Variants in RPS6KC1 observed in about 807,000 individuals in gnomAD.
RPS6KC1 encodes the protein ribosomal protein S6 kinase C1.
In RPS6KC1, 54 loss-of-function variants were observed where a neutral mutation model predicts 103.8. The observed-to-expected ratio is 0.52, with a 90% CI of 0.42 to 0.65. The LOEUF (loss-of-function observed/expected upper bound fraction) is 0.65, where lower values mean the gene tolerates loss of function less well. Ranked by LOEUF, RPS6KC1 falls within the 30% of genes least tolerant of loss-of-function variation. RPS6KC1 has a pLI of 0.00. For missense variants in RPS6KC1, 1,151 were observed against 1,253.8 expected (o/e 0.92, Z 1.24); for synonymous variants, 439 against 438.7 (o/e 1.00, Z -0.01).
intron 6 of RPS6KC1, among the ~76,000 whole-genome samples, chr1:213,151,238 CCCGGACGGGGCGG>C: frequency 1.5e-5 from 2 of 129,916 alleles, no homozygotes; most frequent in African/African-American, 2.9e-5. Context: ...CCACCTCCCT[CCCGGACGGGGCGG>C]CTGGCCGGGC....
At chr1:213,458,725 A>G in the RPS6KC1 span, among the ~76,000 whole-genome samples, 1 of 152,118 alleles carries the variant, frequency 6.6e-6, no homozygotes, top group Non-Finnish European at 1.5e-5. Context: ...TTGCCCATTC[A>G]GTATGATATT....
the RPS6KC1 span, among the ~76,000 whole-genome samples, chr1:213,453,630 A>G: frequency 7.9e-5 from 12 of 152,182 alleles, no homozygotes; most frequent in Non-Finnish European, 1.3e-4. Flanking sequence ...CAGAGGCCGG[A>G]GGTTCAGGAG....
chr1:213,626,401 C>A, the RPS6KC1 span, among the ~76,000 whole-genome samples: 2 of 152,134 alleles, frequency 1.3e-5, no homozygotes, highest in Non-Finnish European at 2.9e-5. Flanking sequence ...ATGGTAGTTT[C>A]TTTTGCTGTG....
the RPS6KC1 span, among the ~76,000 whole-genome samples, chr1:213,297,047 C>G: frequency 6.6e-6 from 1 of 152,180 alleles, no homozygotes; most frequent in Non-Finnish European, 1.5e-5. Context: ...CCCTGCTTGT[C>G]TCACAAACCA....
At chr1:213,707,381 C>T in the RPS6KC1 span, among the ~76,000 whole-genome samples, 1 of 152,046 alleles carries the variant, frequency 6.6e-6, no homozygotes, top group Non-Finnish European at 1.5e-5. Flanking sequence ...CCTTCACCCA[C>T]TTTTTGATGG....
chr1:213,191,685 A>G (rs1347509565), intron 8 of RPS6KC1, among the ~76,000 whole-genome samples: 1 of 152,100 alleles, frequency 6.6e-6, no homozygotes, highest in Non-Finnish European at 1.5e-5. Context: ...ATTGAATAAC[A>G]GTGGTGAAAA....
At chr1:213,238,771 C>G (rs761268775) in intron 10 of RPS6KC1, among the ~76,000 whole-genome samples, 4 of 152,166 alleles carry the variant, frequency 2.6e-5, no homozygotes, top group African/African-American at 4.8e-5. Flanking sequence ...ATCTCATCAT[C>G]TGATTTAACA....
chr1:213,151,213 G>T (rs1191866717), intron 6 of RPS6KC1, among the ~76,000 whole-genome samples: 1 of 123,334 alleles, frequency 8.1e-6, no homozygotes, highest in African/African-American at 3.1e-5. Context: ...CTGGCCAGGC[G>T]GGGGGCTGAC....
the RPS6KC1 span, among the ~76,000 whole-genome samples, chr1:213,592,191 G>A: frequency 6.6e-6 from 1 of 152,108 alleles, no homozygotes; most frequent in Non-Finnish European, 1.5e-5. Context: ...TTGAGTTACT[G>A]GGTGGAAGGA....
chr1:213,152,794 G>T (rs2089356015), intron 6 of RPS6KC1, among the ~76,000 whole-genome samples: 1 of 151,574 alleles, frequency 6.6e-6, no homozygotes, highest in South Asian at 2.1e-4. Context: ...CATCCCAGAT[G>T]ATGGGCCGCC....
In RPS6KC1 at chr1:213,248,820, G is replaced by C. The variant is rs151092373; in HGVS notation, c.2911+6162G>C. On this transcript the variant is annotated intron_variant, in intron 12 of 14. Coordinates refer to ENST00000366960, the MANE Select transcript of RPS6KC1 (RefSeq NM_012424.6). The stretch of plus-strand genomic sequence containing the variant: ...GTGGTGAGAATGAGACAAAGTAAGA[G>C]CAAAGAATTCAGTCCCAGTTATTTG... Among the ~76,000 whole-genome samples, 591 of 152,256 alleles carry C rather than the reference G, an allele frequency of 3.9e-3. 4 individuals are homozygous for C. Among genetic ancestry groups the C allele is most frequent in the African/African-American group, 0.014 (573 of 41,544 alleles).
chr1:213,624,339 T>C, the RPS6KC1 span, among the ~76,000 whole-genome samples: 11 of 152,236 alleles, frequency 7.2e-5, no homozygotes, highest in Admixed American at 1.3e-4. Flanking sequence ...CAATGATCTT[T>C]GTCCTGACAG....
chr1:213,151,444 C>A (rs2088878103), intron 6 of RPS6KC1, among the ~76,000 whole-genome samples: 1 of 139,700 alleles, frequency 7.2e-6, no homozygotes, highest in East Asian at 2.2e-4. Flanking sequence ...CCCTCACCTC[C>A]CGGATGGGGC....
At chr1:213,470,199 G>A in the RPS6KC1 span, among the ~76,000 whole-genome samples, 1 of 152,338 alleles carries the variant, frequency 6.6e-6, no homozygotes, top group South Asian at 2.1e-4. Flanking sequence ...TGATATGGCT[G>A]AGTCTCTTTC....
At chr1:213,589,118 G>A in the RPS6KC1 span, among the ~76,000 whole-genome samples, 3 of 152,032 alleles carry the variant, frequency 2.0e-5, no homozygotes, top group Non-Finnish European at 2.9e-5. Context: ...AGGAGGCCTG[G>A]GATCCCTGAA....
the RPS6KC1 span, among the ~76,000 whole-genome samples, chr1:213,857,683 C>T: frequency 2.4e-3 from 369 of 152,334 alleles, 2 homozygotes; most frequent in Middle Eastern, 0.02. Flanking sequence ...TTGCTACTAT[C>T]GCACACTTTT....
chr1:213,797,393 G>A, the RPS6KC1 span, among the ~76,000 whole-genome samples: 1 of 152,246 alleles, frequency 6.6e-6, no homozygotes, highest in African/African-American at 2.4e-5. Flanking sequence ...GGGCTGAGGT[G>A]GTAACTACTT....
chr1:213,832,795 C>T, the RPS6KC1 span: 6 of 152,228 alleles, frequency 3.9e-5, no homozygotes, highest in South Asian at 1.0e-3. Flanking sequence ...TGACAACTTT[C>T]GAGGTAGGTT....
At chr1:213,418,070 G>A in the RPS6KC1 span, among the ~76,000 whole-genome samples, 2 of 152,098 alleles carry the variant, frequency 1.3e-5, no homozygotes, top group East Asian at 1.9e-4. Flanking sequence ...CCCAGCTCCC[G>A]CTCCTGGCCT....
Sources: allele counts gnomAD v4.1 joint callset (sites outside exome capture counted in the v4.1 genomes callset), GRCh38; gene constraint gnomAD v4.1.1; transcripts MANE v1.5; gene names NCBI Gene and HGNC (gene_info 2026-07-23, HGNC 2026-07-21).